The following PALM2AKAP2 variants were observed in gnomAD, a reference collection of about 807,000 sequenced individuals.
PALM2AKAP2 encodes the protein PALM2-AKAP2 fusion protein.
In PALM2AKAP2, 37 loss-of-function variants were observed where a neutral mutation model predicts 71.5. That is an observed-to-expected ratio of 0.52 (90% CI 0.40 to 0.68). The LOEUF is 0.68. PALM2AKAP2 is among the 30% of genes least tolerant of loss of function. PALM2AKAP2 has a pLI of 0.00. For missense variants in PALM2AKAP2, 1,224 were observed against 1,191.8 expected, an observed-to-expected ratio of 1.03 and a Z score of -0.40; for synonymous variants, 468 against 478.8, an observed-to-expected ratio of 0.98 and a Z score of 0.29.
chr9:110,107,200 G>C (rs1035105794), intron 1 of PALM2AKAP2, among the ~76,000 whole-genome samples: 1 of 152,152 alleles, frequency 6.6e-6, no homozygotes, highest in Non-Finnish European at 1.5e-5. Context: ...AATAACTGTA[G>C]TTAACAATAA....
intron 2 of PALM2AKAP2, among the ~76,000 whole-genome samples, chr9:109,868,102 A>C (rs1829505493): frequency 6.6e-6 from 1 of 152,198 alleles, no homozygotes; most frequent in Non-Finnish European, 1.5e-5. Flanking sequence ...CAATTTTGAA[A>C]GTGTTCTGTG....
At chr9:110,129,176 C>T (rs891083553) in intron 1 of PALM2AKAP2, among the ~76,000 whole-genome samples, 2 of 152,200 alleles carry the variant, frequency 1.3e-5, no homozygotes, top group Non-Finnish European at 2.9e-5. Context: ...GCAACAGATA[C>T]GTCTCCAGAG....
chr9:110,085,997 C>T (rs564343192), intron 1 of PALM2AKAP2, among the ~76,000 whole-genome samples: 2 of 151,718 alleles, frequency 1.3e-5, no homozygotes, highest in African/African-American at 4.8e-5. Flanking sequence ...ATCCTGGCTA[C>T]TCGGGAGGTT....
intron 1 of PALM2AKAP2, among the ~76,000 whole-genome samples, chr9:109,642,495 A>G (rs749941058): frequency 3.8e-4 from 56 of 148,930 alleles, no homozygotes; most frequent in Non-Finnish European, 7.0e-4. Context: ...CAAAAACCGC[A>G]AATTACTGTT....
intron 1 of PALM2AKAP2, among the ~76,000 whole-genome samples, chr9:109,732,542 G>C (rs138815574): frequency 0.043 from 6,500 of 152,250 alleles, 192 homozygotes; most frequent in Non-Finnish European, 0.053. Flanking sequence ...GGTTAGACTA[G>C]TTAGGAAAGA....
At chr9:110,057,672 C>G (rs1046470624) in intron 1 of PALM2AKAP2, among the ~76,000 whole-genome samples, 2 of 151,498 alleles carry the variant, frequency 1.3e-5, no homozygotes, top group African/African-American at 4.9e-5. Flanking sequence ...GCCACCACGC[C>G]CAGCCCTCTC....
intron 3 of PALM2AKAP2, among the ~76,000 whole-genome samples, chr9:109,898,980 A>G (rs1184834744): frequency 6.6e-6 from 1 of 152,172 alleles, no homozygotes; most frequent in Non-Finnish European, 1.5e-5. Flanking sequence ...CCATCTGGGA[A>G]ATATTGGTGC....
At chr9:109,901,609 G>C (rs1320537779) in intron 3 of PALM2AKAP2, among the ~76,000 whole-genome samples, 1 of 152,194 alleles carries the variant, frequency 6.6e-6, no homozygotes, top group Non-Finnish European at 1.5e-5. Flanking sequence ...ATGCTAAGTG[G>C]AGGGACTTAG....
intron 1 of PALM2AKAP2, among the ~76,000 whole-genome samples, chr9:110,057,414 G>C (rs1453703100): frequency 7.3e-6 from 1 of 137,360 alleles, no homozygotes; most frequent in Non-Finnish European, 1.5e-5. Context: ...ACAGAGACTC[G>C]CTCTGCCATG....
intron 1 of PALM2AKAP2, among the ~76,000 whole-genome samples, chr9:109,826,475 T>G (rs1828154578): frequency 6.6e-6 from 1 of 152,198 alleles, no homozygotes; most frequent in African/African-American, 2.4e-5. Context: ...CTGAAGTGTT[T>G]GATGGTGATT....
chr9:109,797,083 C>T (rs891738069), intron 1 of PALM2AKAP2, among the ~76,000 whole-genome samples: 1 of 152,204 alleles, frequency 6.6e-6, no homozygotes, highest in African/African-American at 2.4e-5. Context: ...TGATGGTTTC[C>T]TCCTTTCCTT....
In PALM2AKAP2 at chr9:110,151,290, A is replaced by G. The variant is rs138320395; in HGVS notation, c.2570-5029A>G. Among the ~76,000 whole-genome samples the G allele has an allele frequency of 5.7e-3, 862 of 152,318 alleles. 11 individuals are homozygous for G. Among genetic ancestry groups the G allele is most frequent in the African/African-American group, 0.02 (816 of 41,550 alleles). On this transcript the variant is annotated intron_variant, in intron 2 of 3. Coordinates refer to ENST00000374525, the Ensembl canonical transcript of PALM2AKAP2. ...GGTCTCAAACTCCTGAGCTCAAGTG[A>G]TCCTCTGACCTCAGCCTCCTGAAGT...
intron 1 of PALM2AKAP2, among the ~76,000 whole-genome samples, chr9:109,754,082 A>C (rs1828923604): frequency 6.6e-6 from 1 of 152,200 alleles, no homozygotes; most frequent in Admixed American, 6.5e-5. Context: ...TGTACATTAA[A>C]AGTTTTCCCT....
intron 1 of PALM2AKAP2, among the ~76,000 whole-genome samples, chr9:109,710,630 T>C (rs1458776574): frequency 6.6e-6 from 1 of 152,226 alleles, no homozygotes; most frequent in Non-Finnish European, 1.5e-5. Context: ...ATTCACTGGA[T>C]GGCTCTCAGG....
chr9:110,089,417 G>GGA (rs1371118612), intron 1 of PALM2AKAP2, among the ~76,000 whole-genome samples: 3 of 152,300 alleles, frequency 2.0e-5, no homozygotes, highest in Middle Eastern at 3.4e-3. Flanking sequence ...GTCCTGAGAT[G>GGA]GAGATAAGTA....
chr9:109,828,447 A>G (rs1027378772), intron 1 of PALM2AKAP2, among the ~76,000 whole-genome samples: 1 of 152,232 alleles, frequency 6.6e-6, no homozygotes. Flanking sequence ...AATATTGTAC[A>G]GCCTAGTTGC....
At chr9:110,116,305 C>CA (rs1230796781) in intron 1 of PALM2AKAP2, among the ~76,000 whole-genome samples, 1 of 151,736 alleles carries the variant, frequency 6.6e-6, no homozygotes, top group Non-Finnish European at 1.5e-5. Flanking sequence ...TAAAACTACT[C>CA]AAAATTTTAA....
chr9:110,015,836 T>C, intron 6 of PALM2AKAP2, 118 bp from the exon 7 acceptor site: 2 of 898,408 alleles, frequency 2.2e-6, no homozygotes, highest in Non-Finnish European at 3.5e-6. Context: ...TATAGAGCTA[T>C]AGGTCATCAT....
chr9:109,693,772 T>C (rs986950985), intron 1 of PALM2AKAP2, among the ~76,000 whole-genome samples: 1 of 152,084 alleles, frequency 6.6e-6, no homozygotes, highest in Non-Finnish European at 1.5e-5. Context: ...CTTCTAACAT[T>C]GATTTCTAGT....
Sources: allele counts gnomAD v4.1 joint callset (sites outside exome capture counted in the v4.1 genomes callset), GRCh38; gene constraint gnomAD v4.1.1; transcripts MANE v1.5; gene names NCBI Gene and HGNC (gene_info 2026-07-23, HGNC 2026-07-21).